The following PTPRD variants were observed in gnomAD, a reference collection of about 807,000 sequenced individuals.
The protein encoded by PTPRD is protein tyrosine phosphatase receptor type D.
In PTPRD, 34 loss-of-function variants were observed where a neutral mutation model predicts 214.5. That is an observed-to-expected ratio of 0.16 (90% CI 0.12 to 0.21). The LOEUF (loss-of-function observed/expected upper bound fraction) is 0.21, where lower values mean the gene tolerates loss of function less well. Among genes scored for constraint, PTPRD ranks in the 10% least tolerant of loss-of-function variants. The pLI, the probability that PTPRD is intolerant of heterozygous loss-of-function variation, is 1.00. For missense variants in PTPRD, 2,545 were observed against 2,398.7 expected (o/e 1.06, Z -1.27); for synonymous variants, 1,128 against 845.7 (o/e 1.33, Z -5.79).
chr9:9,902,092 T>A (rs2076533775), intron 5 of PTPRD, among the ~76,000 whole-genome samples: 1 of 152,188 alleles, frequency 6.6e-6, no homozygotes, highest in South Asian at 2.1e-4. Flanking sequence ...TCTTACCAAC[T>A]TTTTCCCTTC....
At chr9:9,277,474 A>G (rs1946106225) in intron 9 of PTPRD, among the ~76,000 whole-genome samples, 1 of 151,418 alleles carries the variant, frequency 6.6e-6, no homozygotes, top group Non-Finnish European at 1.5e-5. Context: ...AATATAAATA[A>G]AAAAGTCTGT....
intron 9 of PTPRD, among the ~76,000 whole-genome samples, chr9:9,270,517 G>C (rs1388501399): frequency 2.0e-5 from 3 of 151,356 alleles, no homozygotes; most frequent in African/African-American, 7.3e-5. Flanking sequence ...GGAAACAATG[G>C]AAGGCTGACG....
rs143375254 is a variant in PTPRD at position 10,451,663 on chromosome 9, A to G, written c.-599-110646T>C. Among the ~76,000 whole-genome samples the G allele has an allele frequency of 3.7e-4, 56 of 151,194 alleles. 3 individuals carry two copies. The highest frequency in any genetic ancestry group is 1.4e-3 in the African/African-American group (55 of 40,638). ...CAGTGTGTGGCACAAAGCAGGTACT[A>G]TAAAAGTGTTCTTATCCTTGTTATA... is the stretch of plus-strand genomic sequence containing the variant. On this transcript the variant is annotated intron_variant, in intron 2 of 45. Transcript: ENST00000381196.
chr9:8,526,421 G>C (rs1374165945), intron 17 of PTPRD, among the ~76,000 whole-genome samples: 1 of 149,558 alleles, frequency 6.7e-6, no homozygotes, highest in Non-Finnish European at 1.5e-5. Context: ...CATAAAGAAA[G>C]AAATGAACAA....
intron 3 of PTPRD, among the ~76,000 whole-genome samples, chr9:10,307,544 A>G (rs1387267029): frequency 6.6e-6 from 1 of 152,052 alleles, no homozygotes; most frequent in African/African-American, 2.4e-5. Context: ...TATCTCTTTA[A>G]TATATGGCTT....
chr9:9,877,648 G>C (rs559356151), intron 5 of PTPRD, among the ~76,000 whole-genome samples: 5 of 152,034 alleles, frequency 3.3e-5, no homozygotes, highest in Non-Finnish European at 7.4e-5. Context: ...ACCAAGATAG[G>C]AAAACAGGTT....
At chr9:10,280,783 T>C (rs1596049474) in intron 3 of PTPRD, among the ~76,000 whole-genome samples, 1 of 152,066 alleles carries the variant, frequency 6.6e-6, no homozygotes, top group African/African-American at 2.4e-5. Context: ...CAATTTTTTT[T>C]TTTTTATTTT....
chr9:10,500,469 A>G, intron 2 of PTPRD, among the ~76,000 whole-genome samples: 1 of 151,994 alleles, frequency 6.6e-6, no homozygotes, highest in East Asian at 1.9e-4. Flanking sequence ...ATATGTTGAT[A>G]CTGGCATGTA....
chr9:8,390,518 G>T (rs912146230), intron 36 of PTPRD, among the ~76,000 whole-genome samples: 1 of 150,052 alleles, frequency 6.7e-6, no homozygotes, highest in Non-Finnish European at 1.5e-5. Context: ...ACTGATTAAG[G>T]TTGTAATTAT....
intron 5 of PTPRD, among the ~76,000 whole-genome samples, chr9:9,922,694 T>C (rs1173164541): frequency 1.3e-5 from 2 of 151,984 alleles, no homozygotes; most frequent in Non-Finnish European, 2.9e-5. Flanking sequence ...TGGAAAAGTA[T>C]GAAAAATAAA....
intron 8 of PTPRD, among the ~76,000 whole-genome samples, chr9:9,508,667 G>C (rs976533466): frequency 6.6e-6 from 1 of 151,318 alleles, no homozygotes; most frequent in Non-Finnish European, 1.5e-5. Flanking sequence ...AGTCTTCTTT[G>C]AGCCTCAAAA....
intron 4 of PTPRD, among the ~76,000 whole-genome samples, chr9:9,963,805 T>G (rs1474638982): frequency 6.6e-6 from 1 of 152,184 alleles, no homozygotes; most frequent in Non-Finnish European, 1.5e-5. Context: ...TACCATGCAC[T>G]AACTCAATGA....
At chr9:9,562,254 T>C (rs6477402) in intron 8 of PTPRD, among the ~76,000 whole-genome samples, 24,525 of 152,188 alleles carry the variant, frequency 0.16, 2,208 homozygotes, top group Middle Eastern at 0.19. Flanking sequence ...AGGCAATTGG[T>C]TGGAAATTCT....
chr9:9,551,255 C>A (rs2080157617), intron 8 of PTPRD, among the ~76,000 whole-genome samples: 2 of 151,844 alleles, frequency 1.3e-5, no homozygotes, highest in Non-Finnish European at 2.9e-5. Context: ...TCAGTAAATG[C>A]TTAACTGAAA....
chr9:8,811,880 C>G (rs556395785), intron 11 of PTPRD, among the ~76,000 whole-genome samples: 1 of 152,280 alleles, frequency 6.6e-6, no homozygotes, highest in Admixed American at 6.5e-5. Context: ...GATCTCAGAG[C>G]ATTTCCCATC....
rs1295317839 is a variant in PTPRD, at chr9:9,243,609, T to C, written c.-202-60246A>G. Among the ~76,000 whole-genome samples the C allele has an allele frequency of 5.3e-5, 8 of 152,262 alleles. No individual in the cohort carries two copies. In the South Asian group the frequency reaches 8.3e-4, roughly 16 times the overall value. Reference sequence around the variant, plus strand: ...TCAACAATCTTCATGCTAAAAACTCTCAATAAACTAGGTATTGATGGAACG... The same window carrying C: ...TCAACAATCTTCATGCTAAAAACTCCCAATAAACTAGGTATTGATGGAACG... On this transcript the variant is annotated intron_variant, in intron 9 of 45. Transcript: ENST00000381196.
At chr9:9,439,730 C>G (rs1014239007) in intron 8 of PTPRD, among the ~76,000 whole-genome samples, 1 of 152,188 alleles carries the variant, frequency 6.6e-6, no homozygotes, top group Non-Finnish European at 1.5e-5. Context: ...TACCTAAAGA[C>G]TATCACTGTG....
At chr9:9,405,618 T>C (rs886627246) in intron 8 of PTPRD, among the ~76,000 whole-genome samples, 7 of 152,020 alleles carry the variant, frequency 4.6e-5, no homozygotes, top group Non-Finnish European at 7.4e-5. Flanking sequence ...TAAGTTATAG[T>C]TCGGGTTTGT....
chr9:8,449,694 G>A (rs752460428), intron 34 of PTPRD, 31 bp downstream of exon 34: 3 of 1,587,032 alleles, frequency 1.9e-6, no homozygotes, highest in Admixed American at 1.7e-5. Context: ...GGGAAAGACT[G>A]TGTGTGGATT....
Sources: allele counts gnomAD v4.1 joint callset (sites outside exome capture counted in the v4.1 genomes callset), GRCh38; gene constraint gnomAD v4.1.1; transcripts MANE v1.5; gene names NCBI Gene and HGNC (gene_info 2026-07-23, HGNC 2026-07-21).